Variants in SLC24A2 observed in about 807,000 individuals in gnomAD.
The protein encoded by SLC24A2 is solute carrier family 24 member 2.
Under a neutral mutation model 62.0 loss-of-function variants are expected in SLC24A2, and 36 were observed. That is an observed-to-expected ratio of 0.58 (90% CI 0.44 to 0.77). The LOEUF (loss-of-function observed/expected upper bound fraction) is 0.77. SLC24A2 is among the 30% of genes least tolerant of loss of function. The pLI, the probability that SLC24A2 is intolerant of heterozygous loss-of-function variation, is 0.00. For missense variants in SLC24A2, 846 were observed against 817.9 expected (o/e 1.03, Z -0.42); for synonymous variants, 358 against 294.0 (o/e 1.22, Z -2.23).
chr9:20,275,362 G>C, the SLC24A2 span, among the ~76,000 whole-genome samples: 2 of 151,800 alleles, frequency 1.3e-5, no homozygotes, highest in African/African-American at 4.8e-5. Context: ...AATTCCTAGA[G>C]TTACCTTGCC....
At chr9:20,133,404 T>C in the SLC24A2 span, among the ~76,000 whole-genome samples, 1 of 152,152 alleles carries the variant, frequency 6.6e-6, no homozygotes, top group African/African-American at 2.4e-5. Flanking sequence ...TTTATAAATC[T>C]AATAGGATAC....
At chr9:20,102,167 C>A in the SLC24A2 span, among the ~76,000 whole-genome samples, 2 of 152,142 alleles carry the variant, frequency 1.3e-5, no homozygotes, top group East Asian at 3.9e-4. Context: ...AACCTACCTT[C>A]TGTAGATTGA....
chr9:20,145,783 A>ATGTATATG, the SLC24A2 span, among the ~76,000 whole-genome samples: 1 of 151,998 alleles, frequency 6.6e-6, no homozygotes, highest in Non-Finnish European at 1.5e-5. Context: ...AAGCACATAT[A>ATGTATATG]TGTATATGTG....
intron 2 of SLC24A2, among the ~76,000 whole-genome samples, chr9:19,623,897 G>A (rs1044421444): frequency 1.3e-5 from 2 of 152,176 alleles, no homozygotes; most frequent in Non-Finnish European, 2.9e-5. Context: ...CAGCCTGTGG[G>A]CATCACTAAA....
chr9:20,130,063 T>C, the SLC24A2 span, among the ~76,000 whole-genome samples: 9 of 151,980 alleles, frequency 5.9e-5, no homozygotes, highest in African/African-American at 2.2e-4. Flanking sequence ...AATCTAAAAC[T>C]TAATCCTCAA....
intron 2 of SLC24A2, among the ~76,000 whole-genome samples, chr9:19,744,124 A>G (rs572585667): frequency 1.3e-5 from 2 of 152,180 alleles, no homozygotes; most frequent in East Asian, 3.9e-4. Context: ...AATGACACCA[A>G]ACTTTCTCTT....
chr9:20,104,691 T>G, the SLC24A2 span, among the ~76,000 whole-genome samples: 3 of 152,136 alleles, frequency 2.0e-5, no homozygotes, highest in East Asian at 1.9e-4. Flanking sequence ...AAAGAGCTCC[T>G]GAAGGAAGCA....
At position 19,583,574 on chromosome 9, in the gene SLC24A2, T is replaced by C. The variant is rs769822384; in HGVS notation, c.1130-6552A>G. 7.9e-5 allele frequency among the ~76,000 whole-genome samples: 12 copies of C among 152,226 alleles called. 1 individual carries two copies. The Middle Eastern group carries it at 0.01, about 129-fold the overall frequency. On this transcript the variant is annotated intron_variant, in intron 5 of 10. Coordinates refer to ENST00000341998, the MANE Select transcript of SLC24A2 (RefSeq NM_020344.4). Reference sequence around the variant, plus strand: ...CTTGTGTTCATGGTTTCTAGGCAAGTAGATGAGGTTATGACTCTGTGATGT... The same window carrying C: ...CTTGTGTTCATGGTTTCTAGGCAAGCAGATGAGGTTATGACTCTGTGATGT...
intron 2 of SLC24A2, among the ~76,000 whole-genome samples, chr9:19,656,606 T>C (rs368907763): frequency 6.6e-6 from 1 of 152,216 alleles, no homozygotes; most frequent in African/African-American, 2.4e-5. Context: ...AAAATTCCTA[T>C]GTTTTTATCC....
At chr9:19,755,637 C>G (rs893125906) in intron 2 of SLC24A2, among the ~76,000 whole-genome samples, 1 of 152,130 alleles carries the variant, frequency 6.6e-6, no homozygotes, top group African/African-American at 2.4e-5. Context: ...CTCCATTTTC[C>G]TCAGTAAGGT....
the SLC24A2 span, among the ~76,000 whole-genome samples, chr9:19,998,659 G>T: frequency 1.3e-5 from 2 of 152,188 alleles, no homozygotes; most frequent in African/African-American, 4.8e-5. Flanking sequence ...TGTGCTTTCA[G>T]CATCAATCAG....
the SLC24A2 span, among the ~76,000 whole-genome samples, chr9:19,933,962 T>G: frequency 6.6e-6 from 1 of 152,152 alleles, no homozygotes; most frequent in Non-Finnish European, 1.5e-5. Flanking sequence ...GCTAGGGGTA[T>G]GCAGGAAAGG....
the SLC24A2 span, among the ~76,000 whole-genome samples, chr9:20,128,288 T>C: frequency 2.6e-5 from 4 of 152,152 alleles, no homozygotes; most frequent in African/African-American, 7.2e-5. Context: ...GGAAGAGATA[T>C]CATCTTCAAA....
chr9:19,761,496 T>C (rs1201999085), intron 2 of SLC24A2, among the ~76,000 whole-genome samples: 1 of 151,130 alleles, frequency 6.6e-6, no homozygotes, highest in Admixed American at 6.6e-5. Flanking sequence ...TATTTTATTA[T>C]TATACTTTAA....
chr9:20,168,589 G>C, the SLC24A2 span, among the ~76,000 whole-genome samples: 2 of 151,836 alleles, frequency 1.3e-5, no homozygotes, highest in Admixed American at 1.3e-4. Flanking sequence ...TAGCCAACAA[G>C]AACATGAAAA....
intron 2 of SLC24A2, among the ~76,000 whole-genome samples, chr9:19,774,037 G>A (rs796924842): frequency 3.3e-5 from 5 of 152,280 alleles, no homozygotes; most frequent in African/African-American, 1.2e-4. Context: ...GACATCAAGA[G>A]AGAGGTCTAG....
chr9:19,647,497 C>T (rs2118130151), intron 2 of SLC24A2, among the ~76,000 whole-genome samples: 1 of 152,314 alleles, frequency 6.6e-6, no homozygotes, highest in East Asian at 1.9e-4. Flanking sequence ...GTGTCCCTGA[C>T]ACAAGGTACA....
the SLC24A2 span, among the ~76,000 whole-genome samples, chr9:20,295,487 C>T: frequency 2.0e-5 from 3 of 152,098 alleles, no homozygotes; most frequent in African/African-American, 4.8e-5. Flanking sequence ...AATCATTATT[C>T]TGGGTGTGTC....
chr9:19,525,842 T>G (rs933291278), intron 9 of SLC24A2, among the ~76,000 whole-genome samples: 1 of 151,630 alleles, frequency 6.6e-6, no homozygotes, highest in Non-Finnish European at 1.5e-5. Flanking sequence ...CAAACAAGTT[T>G]ATTGAGATGT....
Sources: gnomAD v4.1 joint callset for allele counts (sites outside exome capture counted in the v4.1 genomes callset) on GRCh38, gnomAD v4.1.1 for gene constraint, MANE v1.5 for transcripts, NCBI Gene and HGNC (gene_info 2026-07-23, HGNC 2026-07-21) for gene names.